AGMO: variants seen among roughly 807,000 people sequenced by gnomAD.
The protein encoded by AGMO is glyceryl-ether monooxygenase.
In AGMO, 75 loss-of-function variants were observed where a neutral mutation model predicts 60.2. That is an observed-to-expected ratio of 1.25 (90% CI 1.03 to 1.51). The LOEUF (loss-of-function observed/expected upper bound fraction) is 1.51, where lower values mean the gene tolerates loss of function less well. Among genes scored for constraint, AGMO ranks in the 40% most tolerant of loss-of-function variants. AGMO has a pLI of 0.00. For synonymous variants in AGMO, 261 were observed against 177.1 expected, an observed-to-expected ratio of 1.47 and a Z score of -3.76; for missense variants, 763 against 525.5, an observed-to-expected ratio of 1.45 and a Z score of -4.42.
At chr7:15,404,819 AC>A (rs1554268011) in intron 5 of AGMO, among the ~76,000 whole-genome samples, 1 of 151,846 alleles carries the variant, frequency 6.6e-6, no homozygotes, top group Non-Finnish European at 1.5e-5. Flanking sequence ...TTGCCAACCG[AC>A]TATGTGCCTG....
chr7:15,288,792 C>T (rs73284544), intron 12 of AGMO, among the ~76,000 whole-genome samples: 23,702 of 148,210 alleles, frequency 0.16, 3,175 homozygotes, highest in African/African-American at 0.36. Context: ...AAAAACTATG[C>T]ATGGAGAAGA....
intron 5 of AGMO, among the ~76,000 whole-genome samples, chr7:15,412,258 G>A (rs1231550405): frequency 6.6e-6 from 1 of 151,956 alleles, no homozygotes; most frequent in Non-Finnish European, 1.5e-5. Context: ...TATATCTCCA[G>A]ACAAAAGGAC....
At chr7:15,232,096 C>T (rs1025659710) in intron 12 of AGMO, among the ~76,000 whole-genome samples, 7 of 152,098 alleles carry the variant, frequency 4.6e-5, no homozygotes, top group Non-Finnish European at 7.4e-5. Flanking sequence ...TATTTCTCAT[C>T]CTCCCACCTG....
intron 12 of AGMO, among the ~76,000 whole-genome samples, chr7:15,205,628 G>C (rs1480329250): frequency 1.3e-5 from 2 of 152,078 alleles, no homozygotes; most frequent in Non-Finnish European, 2.9e-5. Flanking sequence ...AGAAATTTGA[G>C]TTACTTTAAG....
At chr7:15,390,952 C>T (rs575759817) in intron 6 of AGMO, 47 bp from the exon 7 acceptor site, 1 of 1,189,588 alleles carries the variant, frequency 8.4e-7, no homozygotes, top group East Asian at 2.5e-5. Flanking sequence ...AATAGTTATG[C>T]TTTTTGAGAT....
chr7:15,386,020 G>C (rs1425247362), intron 9 of AGMO, among the ~76,000 whole-genome samples: 2 of 151,820 alleles, frequency 1.3e-5, no homozygotes, highest in Non-Finnish European at 2.9e-5. Flanking sequence ...ATCTCTACCA[G>C]TAATAAAAAA....
chr7:15,437,531 CTTTTTTTTTTT>C (rs201021445), intron 3 of AGMO, among the ~76,000 whole-genome samples: 1 of 120,604 alleles, frequency 8.3e-6, no homozygotes, highest in African/African-American at 3.2e-5. Context: ...AAATTTTTTC[CTTTTTTTTTTT>C]TTTTTTTTTT....
At chr7:15,332,671 A>T (rs1338616769) in intron 12 of AGMO, among the ~76,000 whole-genome samples, 1 of 152,186 alleles carries the variant, frequency 6.6e-6, no homozygotes, top group Non-Finnish European at 1.5e-5. Context: ...ATGAAATGAG[A>T]TAAAGTAAAT....
the AGMO span, among the ~76,000 whole-genome samples, chr7:15,191,826 C>T: frequency 6.6e-6 from 1 of 152,202 alleles, no homozygotes; most frequent in Non-Finnish European, 1.5e-5. Context: ...TCAGCCTAGA[C>T]ACATCAAGCA....
chr7:15,553,206 G>A lies in AGMO; in HGVS notation c.257+6935C>T, dbSNP rs919283045. On this transcript the variant is annotated intron_variant, in intron 2 of 12. Transcript: ENST00000342526. ...GGAGGGGGGAGGGATAGCATTGGGA[G>A]ATATACCTAATGCTAGATGACGAGT... is the stretch of plus-strand genomic sequence containing the variant. Among the ~76,000 whole-genome samples the A allele has an allele frequency of 5.5e-3, 828 of 151,742 alleles. 1 individual carries two copies. Among genetic ancestry groups the A allele is most frequent in the Non-Finnish European group, 9.5e-3 (648 of 67,854 alleles).
At chr7:15,377,869 A>T (rs866255993) in intron 10 of AGMO, among the ~76,000 whole-genome samples, 3 of 152,124 alleles carry the variant, frequency 2.0e-5, no homozygotes, top group Middle Eastern at 3.4e-3. Flanking sequence ...TGGTGGTTTG[A>T]TGTTTAGGTG....
intron 3 of AGMO, among the ~76,000 whole-genome samples, chr7:15,475,111 A>G (rs1417405684): frequency 1.3e-5 from 2 of 152,170 alleles, no homozygotes; most frequent in Non-Finnish European, 2.9e-5. Flanking sequence ...AAATTAGTTC[A>G]TCCATTGTGG....
chr7:15,393,161 G>C (rs998723635), intron 6 of AGMO, among the ~76,000 whole-genome samples: 3 of 152,190 alleles, frequency 2.0e-5, no homozygotes, highest in Admixed American at 6.5e-5. Context: ...GTTTGGAAGA[G>C]GAAACCGCCT....
chr7:15,494,076 G>T (rs112838590), intron 3 of AGMO, among the ~76,000 whole-genome samples: 7 of 152,198 alleles, frequency 4.6e-5, no homozygotes, highest in African/African-American at 1.7e-4. Flanking sequence ...GGGTTAAGGA[G>T]TTTAAGGTCA....
At chr7:15,331,764 TA>T (rs1265963708) in intron 12 of AGMO, among the ~76,000 whole-genome samples, 2 of 151,940 alleles carry the variant, frequency 1.3e-5, no homozygotes, top group African/African-American at 4.8e-5. Context: ...CCATCTCTAC[TA>T]AAAATATAAA....
intron 12 of AGMO, among the ~76,000 whole-genome samples, chr7:15,297,673 C>A: frequency 6.6e-6 from 1 of 152,296 alleles, no homozygotes; most frequent in Admixed American, 6.5e-5. Context: ...GCATACCCCC[C>A]TTCCTGGGAA....
At chr7:15,544,716 T>G in intron 3 of AGMO, 56 bp downstream of exon 3, 1 of 1,367,662 alleles carries the variant, frequency 7.3e-7, no homozygotes, top group South Asian at 1.9e-5. Context: ...GAATATGTAC[T>G]ATGTACCAAA....
intron 4 of AGMO, among the ~76,000 whole-genome samples, chr7:15,426,128 T>C (rs1781055296): frequency 6.6e-6 from 1 of 152,190 alleles, no homozygotes; most frequent in Admixed American, 6.5e-5. Flanking sequence ...TTTAAATGAA[T>C]AACAGATGTA....
intron 2 of AGMO, among the ~76,000 whole-genome samples, chr7:15,557,754 A>G (rs1360513992): frequency 6.6e-6 from 1 of 152,080 alleles, no homozygotes; most frequent in African/African-American, 2.4e-5. Context: ...AAAAATCCAC[A>G]TTTCATAATT....
Sources: gnomAD v4.1 joint callset for allele counts (sites outside exome capture counted in the v4.1 genomes callset) on GRCh38, gnomAD v4.1.1 for gene constraint, MANE v1.5 for transcripts, NCBI Gene and HGNC (gene_info 2026-07-23, HGNC 2026-07-21) for gene names.